ADCY9: variants seen among roughly 807,000 people sequenced by gnomAD.
The protein encoded by ADCY9 is adenylate cyclase 9.
A neutral mutation model predicts 101.5 loss-of-function variants in ADCY9; 50 were observed. The ratio of observed to expected loss-of-function variants is 0.49; its 90% CI spans 0.39 to 0.62. The LOEUF (loss-of-function observed/expected upper bound fraction) is 0.62. Among genes scored for constraint, ADCY9 ranks in the 20% least tolerant of loss-of-function variants. ADCY9 has a pLI of 0.00. For synonymous variants in ADCY9, 905 were observed against 769.3 expected (o/e 1.18, Z -2.92); for missense variants, 1,662 against 1,800.4 (o/e 0.92, Z 1.39).
intron 2 of ADCY9, among the ~76,000 whole-genome samples, chr16:4,019,056 GCCT>G (rs1360843160): frequency 6.6e-6 from 1 of 151,486 alleles, no homozygotes; most frequent in Non-Finnish European, 1.5e-5. Flanking sequence ...GCTCACTGCA[GCCT>G]CGACGTCCTG....
chr16:4,037,634 T>C lies in ADCY9; in HGVS notation c.1694-30076A>G, dbSNP rs114366697. Among the ~76,000 whole-genome samples, 517 of 152,314 alleles carry C rather than the reference T, an allele frequency of 3.4e-3. 3 individuals are homozygous for C. The highest frequency in any genetic ancestry group is 0.012 in the African/African-American group (498 of 41,574). ...GTAAGACCCCACTTCTTAATATTAT[T>C]CTCATATAATTCTAATAGCCATTCT... On this transcript the variant is annotated intron_variant, in intron 2 of 10. Coordinates refer to ENST00000294016, the MANE Select transcript of ADCY9 (RefSeq NM_001116.4).
chr16:4,063,257 A>G (rs1188640880), intron 2 of ADCY9, among the ~76,000 whole-genome samples: 1 of 152,244 alleles, frequency 6.6e-6, no homozygotes, highest in Non-Finnish European at 1.5e-5. Context: ...AAGGTCAAAG[A>G]AGAAATCACA....
Position 3,992,381 on chromosome 16 carries a change from G to A in ADCY9, c.1990-18C>T, listed in dbSNP as rs1378222483. 6.2e-7 allele frequency: 1 copy of A among 1,611,364 alleles called. No homozygotes were observed. Among genetic ancestry groups the A allele is most frequent in the Non-Finnish European group, 8.5e-7 (1 of 1,178,070 alleles). On this transcript the variant is annotated intron_variant, in intron 4 of 10. Transcript: ENST00000294016. This position sits in a 1 kb window ranked among gnomAD's most constrained non-coding sequence, Gnocchi z 4.2. ...CCAGAAGCCTGCCTCGAGACAAAGA[G>A]GACGCAGACACGGGAAGTGAAGTGG...
At chr16:3,957,377 C>T (rs73506078) in intron 5 of ADCY9, among the ~76,000 whole-genome samples, 3,301 of 152,154 alleles carry the variant, frequency 0.022, 112 homozygotes, top group African/African-American at 0.076. Flanking sequence ...GGCATATTTG[C>T]GTATGTGAAA....
rs76956081 is a variant in ADCY9, at chr16:4,033,605, T to G, written c.1694-26047A>C. On this transcript the variant is annotated intron_variant, in intron 2 of 10. Coordinates refer to ENST00000294016, the MANE Select transcript of ADCY9 (RefSeq NM_001116.4). Reference sequence around the variant, plus strand: ...CTAATTTTTTATGATTTAGTAGAGATAGGGTTTCACCATGGTGGCCAGGAT... The same window carrying G: ...CTAATTTTTTATGATTTAGTAGAGAGAGGGTTTCACCATGGTGGCCAGGAT... 2.6e-4 allele frequency among the ~76,000 whole-genome samples: 39 copies of G among 152,048 alleles called. No individual in the cohort carries two copies. The East Asian group carries it at 7.0e-3, about 27-fold the overall frequency.
rs138864595 is a variant in ADCY9 at position 3,983,414 on chromosome 16, C to T, written c.2337G>A (p.Thr779=). 3.3e-5 allele frequency: 53 copies of T among 1,607,096 alleles called. No individual in the cohort carries two copies. Among genetic ancestry groups the T allele is most frequent in the Middle Eastern group, 1.6e-4 (1 of 6,076 alleles). The change falls in exon 7 of 11, where the codon ACG becomes ACA. Residue 779 remains threonine, a synonymous_variant. Coordinates refer to ENST00000294016, the MANE Select transcript of ADCY9 (RefSeq NM_001116.4). ...GGGAGCTGAAGGTGGGACTAGCAAACGTCTTCACGGGGGAGTTCTTTATGA... is the reference window on the plus strand; with the variant it reads ...GGGAGCTGAAGGTGGGACTAGCAAATGTCTTCACGGGGGAGTTCTTTATGA... ...EEVIKNSPVK[T]FASPTFSSLL... is the part of the protein sequence containing the mutation.
chr16:4,020,432 C>T (rs730242), intron 2 of ADCY9, among the ~76,000 whole-genome samples: 51,308 of 151,924 alleles, frequency 0.34, 9,461 homozygotes, highest in East Asian at 0.47. Flanking sequence ...AAATATGAAA[C>T]CAGTAAGTAT....
intron 2 of ADCY9, among the ~76,000 whole-genome samples, chr16:4,075,455 C>A (rs549415446): frequency 6.6e-6 from 1 of 152,258 alleles, no homozygotes; most frequent in East Asian, 1.9e-4. Flanking sequence ...TAATTTTAAT[C>A]TCTTACTAAA....
Position 3,988,989 on chromosome 16 carries a change from C to A in ADCY9, c.2310+5G>T. 3 of 1,606,272 alleles carry A rather than the reference C, an allele frequency of 1.9e-6. No homozygotes were observed. The highest frequency in any genetic ancestry group is 1.7e-5 in the Admixed American group (1 of 59,882). ...TAGTAAAAGCGCAAGGAGAAATGAA[C>A]GCACCTCTTCCTGATAGCTGGTCCT... is the stretch of plus-strand genomic sequence containing the variant. On this transcript the variant is annotated splice_donor_5th_base_variant and intron_variant, in intron 6 of 10. Transcript: ENST00000294016.
intron 2 of ADCY9, among the ~76,000 whole-genome samples, chr16:4,038,524 T>C (rs1484421041): frequency 6.6e-6 from 1 of 152,140 alleles, no homozygotes; most frequent in African/African-American, 2.4e-5. Context: ...TCCAGAACTG[T>C]AAGAAATAAA....
chr16:4,005,667 G>C (rs940901181), intron 3 of ADCY9, among the ~76,000 whole-genome samples: 2 of 152,204 alleles, frequency 1.3e-5, no homozygotes, highest in African/African-American at 4.8e-5. Flanking sequence ...GTGCAATGTA[G>C]TGTAGAATCG....
chr16:4,097,237 CT>C (rs768190744), intron 2 of ADCY9, among the ~76,000 whole-genome samples: 2 of 151,908 alleles, frequency 1.3e-5, no homozygotes, highest in African/African-American at 2.4e-5. Context: ...TCTGGCGCCC[CT>C]GGGCCCATTC....
Position 3,965,500 on chromosome 16 carries a change from C to T in ADCY9, c.*275G>A, listed in dbSNP as rs941465578. Reference sequence around the variant, plus strand: ...CACTGGCGGCCTCTGTCCCGAGACTCGAGGCCGAGGCCAGCCCTGAAGGCA... The same window carrying T: ...CACTGGCGGCCTCTGTCCCGAGACTTGAGGCCGAGGCCAGCCCTGAAGGCA... On this transcript the variant is annotated 3_prime_UTR_variant, in exon 11 of 11. Transcript: ENST00000294016. 6.4e-5 allele frequency: 31 copies of T among 486,914 alleles called. No homozygotes were observed. Among genetic ancestry groups the T allele is most frequent in the Non-Finnish European group, 8.0e-5 (22 of 275,988 alleles). The allele number at this position is 486,914 out of a possible 1,614,324, so 30.2% of individuals were successfully genotyped here.
chr16:3,955,541 T>G (rs1378686445), intron 5 of ADCY9, among the ~76,000 whole-genome samples: 4 of 151,826 alleles, frequency 2.6e-5, no homozygotes, highest in East Asian at 3.9e-4. Context: ...CATTTAGGTT[T>G]GTTTGTTTGT....
chr16:4,073,244 G>A (rs557454353), intron 2 of ADCY9, among the ~76,000 whole-genome samples: 3 of 142,386 alleles, frequency 2.1e-5, no homozygotes, highest in Non-Finnish European at 3.1e-5. Flanking sequence ...ACAGGCATGC[G>A]CCACCATGCC....
At chr16:4,095,525 C>T (rs79591453) in intron 2 of ADCY9, among the ~76,000 whole-genome samples, 199 of 152,238 alleles carry the variant, frequency 1.3e-3, no homozygotes, top group African/African-American at 4.6e-3. Context: ...GAAAAACTTG[C>T]CAACACAGTG....
intron 2 of ADCY9, among the ~76,000 whole-genome samples, chr16:4,092,750 T>G (rs778438243): frequency 6.6e-6 from 1 of 152,182 alleles, no homozygotes. Flanking sequence ...AGCTGACAAC[T>G]AAAAACCTGC....
Position 4,103,181 on chromosome 16 carries a change from C to T in ADCY9, c.1693+10569G>A, listed in dbSNP as rs74959484. On this transcript the variant is annotated intron_variant, in intron 2 of 10. Transcript: ENST00000294016. ...TAATGGGTGTGACAACTCCAATTGG[C>T]GTTGTTTCACACACATGAGAATGCG... 2.9e-4 allele frequency among the ~76,000 whole-genome samples: 44 copies of T among 152,326 alleles called. No individual in the cohort carries two copies. In the East Asian group the frequency reaches 7.1e-3, roughly 25 times the overall value.
At chr16:4,031,420 C>T (rs2056554443) in intron 2 of ADCY9, among the ~76,000 whole-genome samples, 1 of 152,126 alleles carries the variant, frequency 6.6e-6, no homozygotes, top group Admixed American at 6.5e-5. Context: ...AGGGTTCTTG[C>T]ACAAATGTGT....
Sources: allele counts gnomAD v4.1 joint callset (sites outside exome capture counted in the v4.1 genomes callset), GRCh38; gene constraint gnomAD v4.1.1; non-coding constraint Gnocchi (gnomAD v3.1); transcripts MANE v1.5; gene names NCBI Gene and HGNC (gene_info 2026-07-23, HGNC 2026-07-21).